AFAP1L1: variants seen among roughly 807,000 people sequenced by gnomAD.
AFAP1L1 encodes the protein actin filament associated protein 1 like 1, also known as actin filament-associated protein 1-like 1.
Under a neutral mutation model 99.8 loss-of-function variants are expected in AFAP1L1, and 77 were observed. The ratio of observed to expected loss-of-function variants is 0.77; its 90% CI spans 0.64 to 0.93. The LOEUF is 0.93. Ranked by LOEUF, AFAP1L1 falls within the 40% of genes least tolerant of loss-of-function variation. The probability of loss-of-function intolerance (pLI) is 0.00; values close to 1 mark genes in which losing one functional copy is unlikely to be tolerated. For synonymous variants in AFAP1L1, 373 were observed against 395.3 expected (o/e 0.94, Z 0.67); for missense variants, 893 against 996.8 (o/e 0.90, Z 1.40).
Position 149,307,416 on chromosome 5 carries a change from G to T in AFAP1L1, c.550G>T (p.Ala184Ser). The T allele has an allele frequency of 6.2e-7, 1 of 1,614,106 alleles. No homozygotes were observed. The highest frequency in any genetic ancestry group is 8.5e-7 in the Non-Finnish European group (1 of 1,180,010). ...ELKSSYNDSD[A>S]MSSSYESYDE... ...GACGCCTGCAGATAATGACTCTGAC[G>T]CAATGAGCAGCTCCTATGAGTCCTA... The change falls in exon 7 of 19, where the codon GCA becomes TCA. Residue 184 changes from alanine (A) to serine (S), a missense_variant. Coordinates refer to ENST00000296721, the MANE Select transcript of AFAP1L1 (RefSeq NM_152406.4).
intron 9 of AFAP1L1, among the ~76,000 whole-genome samples, chr5:149,314,423 G>A (rs1239589033): frequency 6.6e-6 from 1 of 151,010 alleles, no homozygotes; most frequent in Admixed American, 6.6e-5. Flanking sequence ...TAGAATGTTG[G>A]GGGTGGTATT....
rs956396315 is a variant in AFAP1L1, at chr5:149,341,808, T to C, written c.*1778T>C. 1.3e-5 allele frequency: 2 copies of C among 152,192 alleles called. No homozygotes were observed. The highest frequency in any genetic ancestry group is 2.4e-5 in the African/African-American group (1 of 41,448). 9.4% of individuals were successfully genotyped at this position (152,192 alleles called of 1,614,324 possible). A position where few individuals can be genotyped will look rare whatever the true frequency, so the allele number is the denominator to read the frequency against. ...GCTATTATTAGCTATATCAGAAATG[T>C]CTGACTCACAAGCCTGTGTTCTTTC... On this transcript the variant is annotated 3_prime_UTR_variant, in exon 19 of 19. Coordinates refer to ENST00000296721, the MANE Select transcript of AFAP1L1 (RefSeq NM_152406.4).
chr5:149,331,349 G>A (rs1044933547), intron 16 of AFAP1L1, among the ~76,000 whole-genome samples: 6 of 152,064 alleles, frequency 3.9e-5, no homozygotes, highest in Non-Finnish European at 7.4e-5. Context: ...GGCTGGGTGC[G>A]GTGGCTCACG....
chr5:149,310,406 C>G (rs1009117661), intron 8 of AFAP1L1, among the ~76,000 whole-genome samples: 1 of 152,210 alleles, frequency 6.6e-6, no homozygotes, highest in South Asian at 2.1e-4. Context: ...ACTTGTATAC[C>G]TCCTGGAACT....
In AFAP1L1 at chr5:149,329,957, C is replaced by T. The variant is rs1010111614; in HGVS notation, c.1975+127C>T. 7.2e-6 allele frequency: 5 copies of T among 690,156 alleles called. No individual in the cohort carries two copies. In the Admixed American group the frequency reaches 1.8e-4, roughly 25 times the overall value. The allele number at this position is 690,156 out of a possible 1,614,324, so 42.8% of individuals were successfully genotyped here. ...AGAGAAGTGGGCTTCTCCTCCCCTC[C>T]TCCTTCTCCTCCTCCTCCTCTTCTT... On this transcript the variant is annotated intron_variant, in intron 16 of 18. Coordinates refer to ENST00000296721, the MANE Select transcript of AFAP1L1 (RefSeq NM_152406.4).
At chr5:149,335,497 A>C in intron 17 of AFAP1L1, 97 bp from the exon 18 acceptor site, 1 of 1,436,602 alleles carries the variant, frequency 7.0e-7, no homozygotes, top group Non-Finnish European at 9.3e-7. Flanking sequence ...AATAAAAATA[A>C]AAATAATAAA....
chr5:149,296,847 C>G (rs1756034501), intron 1 of AFAP1L1, among the ~76,000 whole-genome samples: 1 of 152,162 alleles, frequency 6.6e-6, no homozygotes, highest in East Asian at 1.9e-4. Flanking sequence ...GGGGAGGCCT[C>G]AGGAAACTTA....
chr5:149,313,901 G>A (rs955587764), intron 9 of AFAP1L1, among the ~76,000 whole-genome samples: 1 of 152,230 alleles, frequency 6.6e-6, no homozygotes, highest in Non-Finnish European at 1.5e-5. Context: ...AAAAGGTGCA[G>A]GAGCAGGAAG....
chr5:149,301,250 C>A lies in AFAP1L1; in HGVS notation c.327+20C>A. On this transcript the variant is annotated intron_variant, in intron 4 of 18. Transcript: ENST00000296721. ...AGAAACGTGAGTCATGGCCTGGGTT[C>A]CCACACCTCAGGGCCTCTGTCCCTC... The A allele has an allele frequency of 6.2e-7, 1 of 1,610,214 alleles. No homozygotes were observed. The highest frequency in any genetic ancestry group is 1.1e-5 in the South Asian group (1 of 90,966).
Position 149,301,263 on chromosome 5 carries a change from G to T in AFAP1L1, c.327+33G>T, listed in dbSNP as rs753595200. 1.9e-6 allele frequency: 3 copies of T among 1,601,170 alleles called. No individual in the cohort carries two copies. In the South Asian group the frequency reaches 3.3e-5, roughly 18 times the overall value. On this transcript the variant is annotated intron_variant, in intron 4 of 18. Transcript: ENST00000296721. ...ATGGCCTGGGTTCCCACACCTCAGGGCCTCTGTCCCTCTGGAGGAGGCAAG... is the reference window on the plus strand; with the variant it reads ...ATGGCCTGGGTTCCCACACCTCAGGTCCTCTGTCCCTCTGGAGGAGGCAAG...
intron 1 of AFAP1L1, among the ~76,000 whole-genome samples, chr5:149,282,007 A>G (rs551022851): frequency 6.6e-6 from 1 of 152,128 alleles, no homozygotes; most frequent in Admixed American, 6.5e-5. Context: ...TGAAGCTCTC[A>G]TTATCCCGGA....
At chr5:149,281,335 A>C (rs991609718) in intron 1 of AFAP1L1, among the ~76,000 whole-genome samples, 3 of 152,190 alleles carry the variant, frequency 2.0e-5, no homozygotes, top group African/African-American at 7.2e-5. Context: ...AGATGCAATA[A>C]CTAAGGTTCA....
At chr5:149,284,164 G>C (rs556566501) in intron 1 of AFAP1L1, among the ~76,000 whole-genome samples, 1 of 152,240 alleles carries the variant, frequency 6.6e-6, no homozygotes, top group Non-Finnish European at 1.5e-5. Flanking sequence ...AGAGCAGATG[G>C]AGGTGACATG....
At chr5:149,316,106 G>A in intron 10 of AFAP1L1, 45 bp from the exon 11 acceptor site, 1 of 1,598,160 alleles carries the variant, frequency 6.3e-7, no homozygotes, top group Non-Finnish European at 8.6e-7. Flanking sequence ...AAGGATGGGT[G>A]GGACTCAGGG....
At chr5:149,287,373 G>A (rs1581294717) in intron 1 of AFAP1L1, among the ~76,000 whole-genome samples, 6 of 152,236 alleles carry the variant, frequency 3.9e-5, no homozygotes, top group Admixed American at 3.9e-4. Flanking sequence ...GTAGGCAGGA[G>A]GGCGGGATCA....
intron 1 of AFAP1L1, among the ~76,000 whole-genome samples, chr5:149,289,485 T>C (rs537603913): frequency 4.6e-4 from 70 of 152,198 alleles, no homozygotes; most frequent in Middle Eastern, 6.8e-3. Flanking sequence ...GTCATTCTTT[T>C]CCAGCCCGCA....
At position 149,320,355 on chromosome 5, in the gene AFAP1L1, G is replaced by A; in HGVS notation, c.1626-36G>A. 1 of 1,595,126 alleles carries A rather than the reference G, an allele frequency of 6.3e-7. No individual in the cohort carries two copies. The highest frequency in any genetic ancestry group is 8.6e-7 in the Non-Finnish European group (1 of 1,164,466). On this transcript the variant is annotated intron_variant, in intron 13 of 18. Coordinates refer to ENST00000296721, the MANE Select transcript of AFAP1L1 (RefSeq NM_152406.4). This position sits in a 1 kb window ranked among gnomAD's most constrained non-coding sequence, Gnocchi z 4.0. ...GCACTGTAAGCTGCAAAGCATCATTGTCATTGTCATTGTCATCGTACATTT... is the reference window on the plus strand; with the variant it reads ...GCACTGTAAGCTGCAAAGCATCATTATCATTGTCATTGTCATCGTACATTT...
chr5:149,298,521 T>C (rs763291316), intron 1 of AFAP1L1, among the ~76,000 whole-genome samples: 1 of 152,178 alleles, frequency 6.6e-6, no homozygotes, highest in Non-Finnish European at 1.5e-5. Context: ...ATAAAATACT[T>C]GATATACGAT....
At chr5:149,316,527 A>G (rs1273648926) in intron 11 of AFAP1L1, among the ~76,000 whole-genome samples, 1 of 152,086 alleles carries the variant, frequency 6.6e-6, no homozygotes, top group Non-Finnish European at 1.5e-5. Flanking sequence ...CCAGCTGACC[A>G]CTGTATTTCT....
Sources: gnomAD v4.1 joint callset for allele counts (sites outside exome capture counted in the v4.1 genomes callset) on GRCh38, gnomAD v4.1.1 for gene constraint, Gnocchi (gnomAD v3.1) non-coding constraint, MANE v1.5 for transcripts, NCBI Gene and HGNC (gene_info 2026-07-23, HGNC 2026-07-21) for gene names.